Variants in ESCO2 observed in about 807,000 individuals in gnomAD.
The protein encoded by ESCO2 is establishment of sister chromatid cohesion N-acetyltransferase 2, also known as N-acetyltransferase ESCO2.
A neutral mutation model predicts 61.7 loss-of-function variants in ESCO2; 51 were observed. The observed-to-expected ratio is 0.83, with a 90% CI of 0.66 to 1.04. The LOEUF (loss-of-function observed/expected upper bound fraction) is 1.04, where lower values mean the gene tolerates loss of function less well. Ranked by LOEUF, ESCO2 falls within the 50% of genes least tolerant of loss-of-function variation. The probability of loss-of-function intolerance (pLI) is 0.00; values close to 1 mark genes in which losing one functional copy is unlikely to be tolerated. For missense variants in ESCO2, 692 were observed against 686.2 expected, an observed-to-expected ratio of 1.01 and a Z score of -0.09; for synonymous variants, 230 against 238.2, an observed-to-expected ratio of 0.97 and a Z score of 0.32.
Position 27,791,981 on chromosome 8 carries a change from G to T in ESCO2, c.1282G>T (p.Val428Leu), listed in dbSNP as rs539409463. 92 of 1,614,062 alleles carry T rather than the reference G, an allele frequency of 5.7e-5. No homozygotes were observed. The South Asian group carries it at 9.4e-4, about 17-fold the overall frequency. Residue 428 changes from valine to leucine, a missense_variant, in exon 8 of 11, where the codon GTA becomes TTA. Coordinates refer to ENST00000305188, the MANE Select transcript of ESCO2 (RefSeq NM_001017420.3). ...IKYVGWKKER[V>L]VAEFWDGKIV... ...TTGGCAGGGTTGGAAGAAAGAACGT[G>T]TAGTAGCAGAGTTTTGGGATGGGAA...
In ESCO2 at chr8:27,792,810, A is replaced by G. The variant is rs1406632353; in HGVS notation, c.1496A>G (p.Gln499Arg). Residue 499 changes from glutamine to arginine, a missense_variant and splice_region_variant, in exon 9 of 11, where the codon CAG becomes CGG. Coordinates refer to ENST00000305188, the MANE Select transcript of ESCO2 (RefSeq NM_001017420.3). ...VGCLIAEPIK[Q>R]AFRVLSEPIG... ...TGTTTAATTGCAGAACCCATCAAAC[A>G]GGTATGGTATATTTGTTTTAAATTA... 6.3e-7 allele frequency: 1 copy of G among 1,594,000 alleles called. No individual in the cohort carries two copies. Among genetic ancestry groups the G allele is most frequent in the Non-Finnish European group, 8.5e-7 (1 of 1,172,796 alleles).
chr8:27,807,991 TC>T (rs1275219147), downstream of ESCO2, among the ~76,000 whole-genome samples: 33 of 152,334 alleles, frequency 2.2e-4, no homozygotes, highest in African/African-American at 7.7e-4. Flanking sequence ...ATCTTGGACT[TC>T]CTAGTCTCTG....
downstream of ESCO2, among the ~76,000 whole-genome samples, chr8:27,807,638 A>G (rs1805587216): frequency 6.6e-6 from 1 of 152,118 alleles, no homozygotes; most frequent in Non-Finnish European, 1.5e-5. Flanking sequence ...GGGTTTATCA[A>G]TTTTGTTAGT....
At chr8:27,802,416 A>G (rs1805450950) in intron 10 of ESCO2, among the ~76,000 whole-genome samples, 1 of 150,216 alleles carries the variant, frequency 6.7e-6, no homozygotes, top group Admixed American at 6.7e-5. Context: ...GCCAACATGG[A>G]GAAACCCTGT....
chr8:27,802,607 C>CAAA (rs1188348304), intron 10 of ESCO2, among the ~76,000 whole-genome samples: 1,349 of 28,736 alleles, frequency 0.047, 61 homozygotes, highest in Non-Finnish European at 0.074. Context: ...GACTCTGTCT[C>CAAA]AAAAAAAAAA....
At chr8:27,778,489 A>G (rs1214989028) in intron 3 of ESCO2, 1 of 152,220 alleles carries the variant, frequency 6.6e-6, no homozygotes, top group Non-Finnish European at 1.5e-5. Context: ...AAGCTTTATC[A>G]AAATGTATTA....
chr8:27,810,835 G>T, downstream of ESCO2: 1 of 692,828 alleles, frequency 1.4e-6, no homozygotes, highest in Non-Finnish European at 2.4e-6. Flanking sequence ...ATTTGTGTGA[G>T]ATTAAACCTT....
chr8:27,818,142 G>T, the ESCO2 span, among the ~76,000 whole-genome samples: 15 of 152,144 alleles, frequency 9.9e-5, no homozygotes, highest in African/African-American at 3.6e-4. Flanking sequence ...ACAGAACAAG[G>T]TGCTAATGGC....
downstream of ESCO2, among the ~76,000 whole-genome samples, chr8:27,815,532 A>G (rs1805793725): frequency 6.6e-6 from 1 of 152,222 alleles, no homozygotes; most frequent in African/African-American, 2.4e-5. Flanking sequence ...GACAAGAGAA[A>G]AGCCTATAGA....
intron 9 of ESCO2, among the ~76,000 whole-genome samples, chr8:27,793,194 G>T (rs1218244412): frequency 6.6e-6 from 1 of 152,142 alleles, no homozygotes; most frequent in Non-Finnish European, 1.5e-5. Flanking sequence ...CAATGTTCTA[G>T]AAGACATGTA....
intron 3 of ESCO2, chr8:27,778,194 G>A (rs1563469896): frequency 2.6e-5 from 4 of 152,164 alleles, no homozygotes; most frequent in Non-Finnish European, 1.5e-5. Flanking sequence ...CATACCATTT[G>A]ACAAATATGG....
Position 27,776,824 on chromosome 8 carries a change from T to G in ESCO2, c.516T>G (p.Tyr172Ter). 6.2e-7 allele frequency: 1 copy of G among 1,614,180 alleles called. No individual in the cohort carries two copies. Among genetic ancestry groups the G allele is most frequent in the Non-Finnish European group, 8.5e-7 (1 of 1,180,030 alleles). The change falls in exon 3 of 11, where the codon TAT (tyrosine) becomes TAG (stop). Residue 172 changes from tyrosine (Y) to a stop codon, truncating the protein, a stop_gained. Transcript: ENST00000305188. LOFTEE classifies it high-confidence loss of function. ...ATTCCAAGCAAAATCGAGTGATCTA[T>G]AAGCCAATTGTGGAGAAGGAAAATA... ...SRNSKQNRVI[Y>*]KPIVEKENNC... is the part of the protein sequence containing the mutation.
chr8:27,806,804 C>G (rs555487478), downstream of ESCO2, among the ~76,000 whole-genome samples: 141 of 151,990 alleles, frequency 9.3e-4, no homozygotes, highest in Admixed American at 4.1e-3. Flanking sequence ...TTAGTAGAGA[C>G]GGGGTTTTAC....
At chr8:27,786,123 T>C (rs1041687609) in intron 5 of ESCO2, among the ~76,000 whole-genome samples, 9 of 152,166 alleles carry the variant, frequency 5.9e-5, no homozygotes, top group Admixed American at 5.9e-4. Context: ...TTTCATACTG[T>C]AGGAAGTAGC....
At chr8:27,806,360 T>A (rs374995045), downstream of ESCO2, among the ~76,000 whole-genome samples, 3 of 152,316 alleles carry the variant, frequency 2.0e-5, no homozygotes, top group African/African-American at 4.8e-5. Context: ...TTACTAATTT[T>A]ATATAGGTTC....
chr8:27,803,181 A>G (rs1239008228), intron 10 of ESCO2, 125 bp from the exon 11 acceptor site: 4 of 820,800 alleles, frequency 4.9e-6, no homozygotes, highest in Non-Finnish European at 8.0e-6. Context: ...TCTAAAATAT[A>G]AGGCATTTTT....
At chr8:27,811,420 G>C, downstream of ESCO2, 1 of 519,474 alleles carries the variant, frequency 1.9e-6, no homozygotes, top group Non-Finnish European at 3.5e-6. Context: ...TCTGGAGCCA[G>C]ACTGCCTTGC....
downstream of ESCO2, among the ~76,000 whole-genome samples, chr8:27,808,746 A>G (rs1395388000): frequency 6.6e-6 from 1 of 151,760 alleles, no homozygotes; most frequent in Non-Finnish European, 1.5e-5. Context: ...GAATGAGGCA[A>G]ATGTCCAAAA....
intron 5 of ESCO2, among the ~76,000 whole-genome samples, chr8:27,786,578 C>A (rs1457746335): frequency 6.6e-6 from 1 of 152,172 alleles, no homozygotes; most frequent in African/African-American, 2.4e-5. Context: ...TTCTTTTGGC[C>A]TCCAACAATA....
Sources: allele counts gnomAD v4.1 joint callset (sites outside exome capture counted in the v4.1 genomes callset), GRCh38; gene constraint gnomAD v4.1.1; transcripts MANE v1.5; gene names NCBI Gene and HGNC (gene_info 2026-07-23, HGNC 2026-07-21).